The following CAPN12 variants were observed in gnomAD, a reference collection of about 807,000 sequenced individuals.
CAPN12 encodes the protein calpain 12.
CAPN12 carries 107 observed loss-of-function variants against 95.0 expected under a neutral mutation model. The ratio of observed to expected loss-of-function variants is 1.13; its 90% CI spans 0.96 to 1.32. CAPN12 has a LOEUF of 1.32. Ranked by LOEUF, CAPN12 falls within the 40% of genes most tolerant of loss-of-function variation. CAPN12 has a pLI of 0.00. For synonymous variants in CAPN12, 505 were observed against 415.5 expected (o/e 1.22, Z -2.62); for missense variants, 1,136 against 997.8 (o/e 1.14, Z -1.87).
rs577423988 is a variant in CAPN12, at chr19:38,740,076, T to C, written c.704A>G (p.Glu235Gly). ...CAGGGCAGTGGCGCCCACGAGGGACTCCTTGGCCAGGGCATGGCGCAGGGC... is the reference window on the plus strand; with the variant it reads ...CAGGGCAGTGGCGCCCACGAGGGACCCCTTGGCCAGGGCATGGCGCAGGGC... ...FSALRHALAK[E>G]SLVGATALSD... The change falls in exon 5 of 21, where the codon GAG becomes GGG. Residue 235 changes from glutamate (E) to glycine (G), a missense_variant. Coordinates refer to ENST00000328867, the MANE Select transcript of CAPN12 (RefSeq NM_144691.4). 1 of 1,603,344 alleles carries C rather than the reference T, an allele frequency of 6.2e-7. No homozygotes were observed. The highest frequency in any genetic ancestry group is 1.1e-5 in the South Asian group (1 of 90,202).
chr19:38,737,677 TCGAGGGGGTC>T (rs1209684431), intron 8 of CAPN12, 39 bp from the exon 9 acceptor site: 6 of 1,497,714 alleles, frequency 4.0e-6, no homozygotes, highest in Non-Finnish European at 5.3e-6. Context: ...CGGCCCCACC[TCGAGGGGGTC>T]CCAAGATCCC....
chr19:38,738,214 C>A, intron 8 of CAPN12, 59 bp downstream of exon 8: 1 of 1,539,088 alleles, frequency 6.5e-7, no homozygotes, highest in South Asian at 1.1e-5. Context: ...GGCTCGCCCT[C>A]CCTGAACCCC....
At position 38,740,064 on chromosome 19, in the gene CAPN12, C is replaced by T. The variant is rs1237507066; in HGVS notation, c.716G>A (p.Gly239Asp). 6.3e-7 allele frequency: 1 copy of T among 1,592,954 alleles called. No homozygotes were observed. The highest frequency in any genetic ancestry group is 2.3e-5 in the East Asian group (1 of 44,424). ...CAGGTCTCTTACCAGGGCAGTGGCG[C>T]CCACGAGGGACTCCTTGGCCAGGGC... ...RHALAKESLV[G>D]ATALSDRGEY... The change falls in exon 5 of 21, where the codon GGC becomes GAC. Residue 239 changes from glycine (G) to aspartate (D), a missense_variant. Coordinates refer to ENST00000328867, the MANE Select transcript of CAPN12 (RefSeq NM_144691.4).
intron 18 of CAPN12, among the ~76,000 whole-genome samples, chr19:38,732,513 G>A (rs1969701762): frequency 6.6e-6 from 1 of 152,174 alleles, no homozygotes; most frequent in African/African-American, 2.4e-5. Context: ...TGTAGTTTTA[G>A]TAGAGACGGG....
intron 18 of CAPN12, chr19:38,733,329 T>C (rs561862564): frequency 1.7e-4 from 37 of 215,700 alleles, no homozygotes; most frequent in African/African-American, 8.3e-4. Context: ...CTGGAGTCAG[T>C]AGAGTGAGGA....
Position 38,744,267 on chromosome 19 carries a change from T to C in CAPN12, c.-102A>G, listed in dbSNP as rs1044196989. On this transcript the variant is annotated 5_prime_UTR_variant, in exon 1 of 21. Transcript: ENST00000328867. ...GAGCCCCAGTGGGGTCTTTAGGCAA[T>C]GAGGAGCCTTCCCTCGTTAATATTA... is the stretch of plus-strand genomic sequence containing the variant. 1.9e-6 allele frequency: 2 copies of C among 1,068,168 alleles called. No individual in the cohort carries two copies. Among genetic ancestry groups the C allele is most frequent in the Admixed American group, 1.8e-5 (1 of 55,496 alleles). 66.2% of individuals were successfully genotyped at this position (1,068,168 alleles called of 1,614,324 possible). A position where few individuals can be genotyped will look rare whatever the true frequency, so the allele number is the denominator to read the frequency against.
At position 38,737,264 on chromosome 19, in the gene CAPN12, C is replaced by T. The variant is rs752285817; in HGVS notation, c.1254G>A (p.Gly418=). 1 of 1,549,524 alleles carries T rather than the reference C, an allele frequency of 6.5e-7. No homozygotes were observed. Among genetic ancestry groups the T allele is most frequent in the South Asian group, 1.2e-5 (1 of 84,080 alleles). ...GGACCGTGCACTTGGGCGTGCGGCC[C>T]CCCCGCGCTGGGCCCCGTGCCCCTG... ...GAAGARGPAR[G]GRTPKCTVLL... Residue 418 remains glycine (G), a synonymous_variant, in exon 10 of 21, where the codon GGG becomes GGA. Transcript: ENST00000328867.
intron 10 of CAPN12, chr19:38,736,914 T>G (rs1970219969): frequency 1.9e-5 from 3 of 159,130 alleles, no homozygotes; most frequent in East Asian, 2.0e-4. Flanking sequence ...CCAGCCCTAC[T>G]AGCCCCCTAC....
Position 38,742,403 on chromosome 19 carries a change from G to T in CAPN12, c.426+7C>A. 1 of 1,594,940 alleles carries T rather than the reference G, an allele frequency of 6.3e-7. No individual in the cohort carries two copies. Among genetic ancestry groups the T allele is most frequent in the Non-Finnish European group, 8.6e-7 (1 of 1,162,586 alleles). Reference sequence around the variant, plus strand: ...ACGGAGGCATGGGCAGAGGAACTGAGCTGTACCTGGAAGTGGAAGACGCCT... The same window carrying T: ...ACGGAGGCATGGGCAGAGGAACTGATCTGTACCTGGAAGTGGAAGACGCCT... On this transcript the variant is annotated splice_region_variant and intron_variant, in intron 3 of 20. Transcript: ENST00000328867.
rs774694662 is a variant in CAPN12 at position 38,741,728 on chromosome 19, C to A, written c.560+49G>T. Reference sequence around the variant, plus strand: ...CTCTGGGTCCCCCTGTGGCTTGATGCCTGCTGTGGGGACTTAGGGCTGCAG... The same window carrying A: ...CTCTGGGTCCCCCTGTGGCTTGATGACTGCTGTGGGGACTTAGGGCTGCAG... On this transcript the variant is annotated intron_variant, in intron 4 of 20. Coordinates refer to ENST00000328867, the MANE Select transcript of CAPN12 (RefSeq NM_144691.4). The A allele has an allele frequency of 4.4e-6, 7 of 1,603,130 alleles. No homozygotes were observed. In the South Asian group the frequency reaches 6.6e-5, roughly 15 times the overall value.
chr19:38,730,771 C>T lies in CAPN12; in HGVS notation c.*81G>A. 10 of 1,514,438 alleles carry T rather than the reference C, an allele frequency of 6.6e-6. No individual in the cohort carries two copies. The highest frequency in any genetic ancestry group is 8.1e-6 in the Non-Finnish European group (9 of 1,117,298). 93.8% of individuals were successfully genotyped at this position (1,514,438 alleles called of 1,614,324 possible). On this transcript the variant is annotated 3_prime_UTR_variant, in exon 21 of 21. Coordinates refer to ENST00000328867, the MANE Select transcript of CAPN12 (RefSeq NM_144691.4). ...GACAGGTGGATGCCAGAGAGAGTGGCACCCATGCCAGGCAAGGCCTAGGGA... is the reference window on the plus strand; with the variant it reads ...GACAGGTGGATGCCAGAGAGAGTGGTACCCATGCCAGGCAAGGCCTAGGGA...
In CAPN12 at chr19:38,735,468, C is replaced by T. The variant is rs762895852; in HGVS notation, c.1626+34G>A. 10 of 1,610,482 alleles carry T rather than the reference C, an allele frequency of 6.2e-6. No homozygotes were observed. The East Asian group carries it at 6.7e-5, about 11-fold the overall frequency. ...GAAGTTTAGCGCTGGCCAAGATCCC[C>T]GCCCCATGCCGCCCCTCCAGGAACA... is the stretch of plus-strand genomic sequence containing the variant. On this transcript the variant is annotated intron_variant, in intron 13 of 20. Coordinates refer to ENST00000328867, the MANE Select transcript of CAPN12 (RefSeq NM_144691.4).
intron 15 of CAPN12, 71 bp from the exon 16 acceptor site, chr19:38,734,460 G>A (rs1022515673): frequency 3.0e-6 from 4 of 1,343,474 alleles, no homozygotes; most frequent in African/African-American, 2.9e-5. Context: ...CTGGGTGGAT[G>A]TGACTCCCTT....
At chr19:38,735,297 T>C (rs1446784410) in intron 14 of CAPN12, 73 bp downstream of exon 14, 3 of 1,417,120 alleles carry the variant, frequency 2.1e-6, no homozygotes, top group East Asian at 2.4e-5. Flanking sequence ...CCTGAGATGC[T>C]GGGGTGGGGG....
intron 17 of CAPN12, 66 bp downstream of exon 17, chr19:38,734,076 G>A (rs953437176): frequency 3.2e-6 from 5 of 1,565,410 alleles, no homozygotes; most frequent in Admixed American, 3.5e-5. Context: ...TAGCCCACAG[G>A]GTGCCTATGT....
At position 38,744,053 on chromosome 19, in the gene CAPN12, G is replaced by C. The variant is rs1970748013; in HGVS notation, c.113C>G (p.Ala38Gly). Residue 38 changes from alanine (A) to glycine (G), a missense_variant, in exon 1 of 21, where the codon GCC becomes GGC. Coordinates refer to ENST00000328867, the MANE Select transcript of CAPN12 (RefSeq NM_144691.4). ...RGQSYEAIRAACLDSGILFRD... is the reference protein window; with the variant it reads ...RGQSYEAIRAGCLDSGILFRD... ...GAACAGGATCCCCGAATCCAGGCAGGCTGCCCGAATTGCCTCATAGCTCTG... is the reference window on the plus strand; with the variant it reads ...GAACAGGATCCCCGAATCCAGGCAGCCTGCCCGAATTGCCTCATAGCTCTG... 6 of 1,614,264 alleles carry C rather than the reference G, an allele frequency of 3.7e-6. No homozygotes were observed. The highest frequency in any genetic ancestry group is 5.1e-6 in the Non-Finnish European group (6 of 1,180,048).
Position 38,737,243 on chromosome 19 carries a change from C to T in CAPN12, c.1275G>A (p.Thr425=), listed in dbSNP as rs368783460. The T allele has an allele frequency of 2.6e-6, 4 of 1,551,076 alleles. No homozygotes were observed. Among genetic ancestry groups the T allele is most frequent in the African/African-American group, 1.4e-5 (1 of 72,876 alleles). The part of the protein sequence containing the change: ...PARGGRTPKC[T]VLLSLIQRNR... ...TGCGCTGGATGAGGGACAGAAGGACCGTGCACTTGGGCGTGCGGCCCCCCC... is the reference window on the plus strand; with the variant it reads ...TGCGCTGGATGAGGGACAGAAGGACTGTGCACTTGGGCGTGCGGCCCCCCC... Residue 425 remains threonine, a synonymous_variant, in exon 10 of 21, where the codon ACG becomes ACA. Coordinates refer to ENST00000328867, the MANE Select transcript of CAPN12 (RefSeq NM_144691.4).
chr19:38,736,297 G>C lies in CAPN12; in HGVS notation c.1396C>G (p.Pro466Ala). The change falls in exon 12 of 21, where the codon CCG (proline) becomes GCG (alanine). Residue 466 changes from proline to alanine, a missense_variant. Coordinates refer to ENST00000328867, the MANE Select transcript of CAPN12 (RefSeq NM_144691.4). The part of the protein sequence containing the change: ...PEELLGLWDS[P>A]RSHALLPRLL... The stretch of plus-strand genomic sequence containing the variant: ...CGGGGCAGGAGCGCATGGCTGCGCG[G>C]GGAATCCCAGAGGCCCAGCAGCTGG... The C allele has an allele frequency of 6.9e-7, 1 of 1,441,350 alleles. No individual in the cohort carries two copies. Among genetic ancestry groups the C allele is most frequent in the Non-Finnish European group, 9.1e-7 (1 of 1,103,682 alleles). The allele number at this position is 1,441,350 out of a possible 1,614,324, so 89.3% of individuals were successfully genotyped here. A position where few individuals can be genotyped will look rare whatever the true frequency, so the allele number is the denominator to read the frequency against.
At chr19:38,738,737 G>A in intron 5 of CAPN12, 89 bp from the exon 6 acceptor site, 3 of 1,139,062 alleles carry the variant, frequency 2.6e-6, no homozygotes, top group Non-Finnish European at 1.3e-6. Context: ...ACCAAGGCAG[G>A]AGCCAACCAG....
Sources: gnomAD v4.1 joint callset for allele counts (sites outside exome capture counted in the v4.1 genomes callset) on GRCh38, gnomAD v4.1.1 for gene constraint, MANE v1.5 for transcripts, NCBI Gene and HGNC (gene_info 2026-07-23, HGNC 2026-07-21) for gene names.